The following MCTP1 variants were observed in gnomAD, a reference collection of about 807,000 sequenced individuals.
MCTP1 encodes multiple C2 and transmembrane domain-containing protein 1.
In MCTP1, 69 loss-of-function variants were observed where a neutral mutation model predicts 120.6. The observed-to-expected ratio is 0.57, with a 90% CI of 0.47 to 0.70. The LOEUF (loss-of-function observed/expected upper bound fraction) is 0.70. MCTP1 is among the 30% of genes least tolerant of loss of function. The probability of loss-of-function intolerance (pLI) is 0.00; values close to 1 mark genes in which losing one functional copy is unlikely to be tolerated. For synonymous variants in MCTP1, 529 were observed against 493.1 expected, an observed-to-expected ratio of 1.07 and a Z score of -0.96; for missense variants, 1,203 against 1,248.8, an observed-to-expected ratio of 0.96 and a Z score of 0.55.
intron 3 of MCTP1, among the ~76,000 whole-genome samples, chr5:94,945,034 T>C (rs1315711065): frequency 2.6e-5 from 4 of 152,078 alleles, no homozygotes; most frequent in Non-Finnish European, 4.4e-5. Flanking sequence ...CATGTTATTT[T>C]CCCCCCAAAT....
At chr5:95,249,042 C>G (rs911064186) in intron 1 of MCTP1, among the ~76,000 whole-genome samples, 20 of 152,232 alleles carry the variant, frequency 1.3e-4, no homozygotes, top group Admixed American at 2.6e-4. Flanking sequence ...AATGTAAGAC[C>G]TAACACCATA....
intron 17 of MCTP1, among the ~76,000 whole-genome samples, chr5:94,830,694 G>A (rs1203129169): frequency 6.6e-6 from 1 of 152,146 alleles, no homozygotes; most frequent in Non-Finnish European, 1.5e-5. Flanking sequence ...ATATATAATT[G>A]AGAGTGAACA....
chr5:94,728,355 T>C (rs1208672042), intron 19 of MCTP1, among the ~76,000 whole-genome samples: 2 of 152,228 alleles, frequency 1.3e-5, no homozygotes, highest in Non-Finnish European at 2.9e-5. Flanking sequence ...AAGGCCTGAC[T>C]TGAATCCACC....
At position 95,226,210 on chromosome 5, in the gene MCTP1, T is replaced by A. The variant is rs191389213; in HGVS notation, c.720+57646A>T. Among the ~76,000 whole-genome samples, 316 of 152,216 alleles carry A rather than the reference T, an allele frequency of 2.1e-3. 2 individuals carry two copies. Among genetic ancestry groups the A allele is most frequent in the African/African-American group, 7.2e-3 (297 of 41,532 alleles). On this transcript the variant is annotated intron_variant, in intron 1 of 22. Transcript: ENST00000515393. ...TTACCCCACCTCTCTGACCTCGCCA[T>A]AATCTGGACCCAAGGATATTTATTG...
At position 94,789,577 on chromosome 5, in the gene MCTP1, C is replaced by T. The variant is rs188198678; in HGVS notation, c.2556+9436G>A. 22 of 152,246 alleles carry T rather than the reference C, an allele frequency of 1.4e-4. No homozygotes were observed. In the East Asian group the frequency reaches 4.3e-3, roughly 29 times the overall value. 9.4% of individuals were successfully genotyped at this position (152,246 alleles called of 1,614,324 possible). Reference sequence around the variant, plus strand: ...ACTAAGTGAAAGCAACAGACTGAGGCGTGAAGAACAAACAGTGGCCACAGG... The same window carrying T: ...ACTAAGTGAAAGCAACAGACTGAGGTGTGAAGAACAAACAGTGGCCACAGG... On this transcript the variant is annotated intron_variant, in intron 18 of 22. Coordinates refer to ENST00000515393, the MANE Select transcript of MCTP1 (RefSeq NM_024717.7).
intron 5 of MCTP1, among the ~76,000 whole-genome samples, chr5:94,938,052 C>T (rs1054940413): frequency 6.6e-6 from 1 of 152,000 alleles, no homozygotes; most frequent in Non-Finnish European, 1.5e-5. Flanking sequence ...CCATCTCTAC[C>T]TCTGACAGTT....
intron 17 of MCTP1, among the ~76,000 whole-genome samples, chr5:94,818,512 G>A (rs1354257800): frequency 1.3e-5 from 2 of 152,110 alleles, no homozygotes; most frequent in African/African-American, 4.8e-5. Context: ...ACCATCAACA[G>A]GCCATATGGA....
chr5:94,957,139 A>G (rs531113146), intron 2 of MCTP1, among the ~76,000 whole-genome samples: 5 of 152,210 alleles, frequency 3.3e-5, no homozygotes, highest in Non-Finnish European at 4.4e-5. Flanking sequence ...GGAATTTCCA[A>G]CTCAGAATTT....
In MCTP1 at chr5:94,705,658, T is replaced by C. The variant is rs1279562667; in HGVS notation, c.*1838A>G. Reference sequence around the variant, plus strand: ...AAATTAGTCATCTGTTAATGGTTACTATCCACTAGATACATCTGAGGTTGT... The same window carrying C: ...AAATTAGTCATCTGTTAATGGTTACCATCCACTAGATACATCTGAGGTTGT... On this transcript the variant is annotated 3_prime_UTR_variant, in exon 23 of 23. Transcript: ENST00000515393. 6.6e-6 allele frequency: 1 copy of C among 151,704 alleles called. No individual in the cohort carries two copies. The highest frequency in any genetic ancestry group is 1.5e-5 in the Non-Finnish European group (1 of 67,758). 9.4% of individuals were successfully genotyped at this position (151,704 alleles called of 1,614,324 possible).
chr5:94,918,647 C>T (rs917313476), intron 7 of MCTP1, among the ~76,000 whole-genome samples: 6 of 152,264 alleles, frequency 3.9e-5, no homozygotes, highest in Admixed American at 6.5e-5. Context: ...GTTTATATTA[C>T]AGGTCTTCTG....
At chr5:95,168,971 G>A (rs1288439125) in intron 1 of MCTP1, among the ~76,000 whole-genome samples, 1 of 152,110 alleles carries the variant, frequency 6.6e-6, no homozygotes, top group Non-Finnish European at 1.5e-5. Flanking sequence ...TCCCTGTCTT[G>A]TGCCAGTTTT....
chr5:95,103,467 T>C (rs1213236532), intron 1 of MCTP1, among the ~76,000 whole-genome samples: 1 of 152,122 alleles, frequency 6.6e-6, no homozygotes, highest in African/African-American at 2.4e-5. Flanking sequence ...CTGTGATAGA[T>C]GAGGCAGAGA....
intron 19 of MCTP1, among the ~76,000 whole-genome samples, chr5:94,733,287 T>C (rs1285868204): frequency 6.6e-6 from 1 of 152,218 alleles, no homozygotes; most frequent in Non-Finnish European, 1.5e-5. Flanking sequence ...GGCTAGAAGG[T>C]GGACATCAAA....
chr5:94,905,621 A>C (rs1806636087), intron 10 of MCTP1, among the ~76,000 whole-genome samples: 1 of 152,250 alleles, frequency 6.6e-6, no homozygotes, highest in Non-Finnish European at 1.5e-5. Context: ...GAAAGGAATC[A>C]AACATGGTTC....
chr5:94,828,424 C>T (rs748922143), intron 17 of MCTP1, among the ~76,000 whole-genome samples: 1 of 152,202 alleles, frequency 6.6e-6, no homozygotes, highest in Non-Finnish European at 1.5e-5. Context: ...TCAGGAGGCA[C>T]GGGGGTCAAG....
chr5:94,837,790 T>G (rs556943975), intron 17 of MCTP1, among the ~76,000 whole-genome samples: 1 of 152,326 alleles, frequency 6.6e-6, no homozygotes, highest in African/African-American at 2.4e-5. Context: ...TCTCTTAAAG[T>G]AGAATAAGCC....
intron 12 of MCTP1, among the ~76,000 whole-genome samples, chr5:94,887,552 A>G (rs538058909): frequency 5.3e-5 from 8 of 152,294 alleles, no homozygotes; most frequent in Admixed American, 4.6e-4. Context: ...TAATCATACT[A>G]GAAAGAAATT....
intron 1 of MCTP1, among the ~76,000 whole-genome samples, chr5:95,230,939 A>G (rs1444375967): frequency 6.6e-6 from 1 of 152,212 alleles, no homozygotes; most frequent in Non-Finnish European, 1.5e-5. Context: ...TTATGTGGAA[A>G]TGTTGCTCTT....
chr5:95,079,348 A>AAG (rs1754364639), intron 1 of MCTP1, among the ~76,000 whole-genome samples: 1 of 152,086 alleles, frequency 6.6e-6, no homozygotes, highest in South Asian at 2.1e-4. Flanking sequence ...ACAAAATCAA[A>AAG]AGAAGACAAG....
Sources: allele counts gnomAD v4.1 joint callset (sites outside exome capture counted in the v4.1 genomes callset), GRCh38; gene constraint gnomAD v4.1.1; transcripts MANE v1.5; gene names NCBI Gene and HGNC (gene_info 2026-07-23, HGNC 2026-07-21).